Variants in NFATC2 observed in about 807,000 individuals in gnomAD.
The protein encoded by NFATC2 is nuclear factor of activated T cells 2.
A neutral mutation model predicts 87.3 loss-of-function variants in NFATC2; 22 were observed. That is an observed-to-expected ratio of 0.25 (90% CI 0.18 to 0.36). NFATC2 has a LOEUF of 0.36. NFATC2 is among the 10% of genes least tolerant of loss of function. NFATC2 has a pLI of 1.00. For synonymous variants in NFATC2, 565 were observed against 542.2 expected (o/e 1.04, Z -0.58); for missense variants, 1,149 against 1,259.1 (o/e 0.91, Z 1.32).
chr20:51,413,479 C>G (rs756696823), intron 9 of NFATC2, among the ~76,000 whole-genome samples: 1 of 152,220 alleles, frequency 6.6e-6, no homozygotes. Context: ...CCTAAAGAGG[C>G]GGGGTGTGGC....
intron 1 of NFATC2, among the ~76,000 whole-genome samples, chr20:51,549,185 GA>G (rs201202074): frequency 8.0e-5 from 12 of 150,354 alleles, no homozygotes; most frequent in Non-Finnish European, 1.6e-4. Flanking sequence ...AGGAGTGAGA[GA>G]AAAAAAAAGA....
chr20:51,515,490 T>G (rs2076337293), intron 3 of NFATC2, among the ~76,000 whole-genome samples: 1 of 152,224 alleles, frequency 6.6e-6, no homozygotes, highest in Non-Finnish European at 1.5e-5. Flanking sequence ...ATACACCTTG[T>G]GCTTTCCACA....
intron 1 of NFATC2, among the ~76,000 whole-genome samples, chr20:51,527,345 G>A (rs2076561321): frequency 6.6e-6 from 1 of 152,118 alleles, no homozygotes; most frequent in African/African-American, 2.4e-5. Flanking sequence ...CATGAGCTGG[G>A]CTTAAGTACT....
At chr20:51,457,175 T>G (rs1986633417) in intron 5 of NFATC2, among the ~76,000 whole-genome samples, 1 of 152,222 alleles carries the variant, frequency 6.6e-6, no homozygotes, top group African/African-American at 2.4e-5. Flanking sequence ...CTGCCACAAA[T>G]GAGATTTATT....
intron 9 of NFATC2, among the ~76,000 whole-genome samples, chr20:51,431,808 G>A (rs549837011): frequency 6.6e-5 from 10 of 152,166 alleles, no homozygotes; most frequent in Admixed American, 2.6e-4. Context: ...GCCCTCATTT[G>A]CTTTTTCTAT....
At chr20:51,531,693 T>G (rs996565962) in intron 1 of NFATC2, among the ~76,000 whole-genome samples, 3 of 152,182 alleles carry the variant, frequency 2.0e-5, no homozygotes, top group Admixed American at 6.5e-5. Context: ...GCCTGTCGGT[T>G]TCCCTAACCT....
chr20:51,449,454 C>T (rs1985503295), intron 6 of NFATC2, among the ~76,000 whole-genome samples: 1 of 152,154 alleles, frequency 6.6e-6, no homozygotes, highest in African/African-American at 2.4e-5. Context: ...ACTACATTCA[C>T]CTGGGATTCT....
chr20:51,448,783 G>A (rs2146404210), intron 6 of NFATC2, among the ~76,000 whole-genome samples: 1 of 152,360 alleles, frequency 6.6e-6, no homozygotes, highest in East Asian at 1.9e-4. Context: ...ATGGCCAAGT[G>A]GCAGGGAGAG....
At chr20:51,455,916 G>A (rs1473682268) in intron 5 of NFATC2, among the ~76,000 whole-genome samples, 1 of 20,500 alleles carries the variant, frequency 4.9e-5, no homozygotes, top group African/African-American at 1.8e-4. Flanking sequence ...GGGTGGGTGG[G>A]TGGGTGGATG....
intron 8 of NFATC2, among the ~76,000 whole-genome samples, chr20:51,434,806 G>T (rs1457924387): frequency 6.6e-6 from 1 of 152,130 alleles, no homozygotes; most frequent in Non-Finnish European, 1.5e-5. Context: ...GTCACATAAA[G>T]ATTCTGCAGG....
At chr20:51,435,993 TTAA>T (rs1327400311) in intron 6 of NFATC2, among the ~76,000 whole-genome samples, 4 of 152,046 alleles carry the variant, frequency 2.6e-5, no homozygotes, top group South Asian at 2.1e-4. Context: ...CCTAAGCAAA[TTAA>T]GGCAGGAACA....
chr20:51,477,911 C>T (rs1464092864), intron 3 of NFATC2, among the ~76,000 whole-genome samples: 1 of 152,156 alleles, frequency 6.6e-6, no homozygotes, highest in Non-Finnish European at 1.5e-5. Context: ...TTCAGTTTTT[C>T]AGGTACACTA....
chr20:51,508,507 C>G (rs951578012), intron 3 of NFATC2, among the ~76,000 whole-genome samples: 22 of 152,218 alleles, frequency 1.4e-4, no homozygotes, highest in African/African-American at 5.3e-4. Context: ...CATCAAAAGA[C>G]TGGTATAGAC....
intron 9 of NFATC2, among the ~76,000 whole-genome samples, chr20:51,401,640 CAG>C (rs1297073548): frequency 6.6e-6 from 1 of 152,158 alleles, no homozygotes; most frequent in Non-Finnish European, 1.5e-5. Context: ...CCCAAAGACA[CAG>C]GGGTACCTCA....
chr20:51,520,257 T>G (rs894801263), intron 2 of NFATC2, among the ~76,000 whole-genome samples: 1 of 152,172 alleles, frequency 6.6e-6, no homozygotes, highest in Non-Finnish European at 1.5e-5. Context: ...AACCACTAAA[T>G]AAAATCATGG....
chr20:51,435,050 A>G, intron 8 of NFATC2, 138 bp downstream of exon 8: 1 of 1,068,122 alleles, frequency 9.4e-7, no homozygotes, highest in Admixed American at 2.4e-5. Flanking sequence ...ATGCTGTCTC[A>G]CAGATGATGC....
At chr20:51,444,405 G>T (rs943962855) in intron 6 of NFATC2, among the ~76,000 whole-genome samples, 1 of 151,802 alleles carries the variant, frequency 6.6e-6, no homozygotes, top group Non-Finnish European at 1.5e-5. Context: ...CTATACTTTC[G>T]TTGGTTTCCT....
chr20:51,449,350 C>T (rs1172492641), intron 6 of NFATC2, among the ~76,000 whole-genome samples: 1 of 152,176 alleles, frequency 6.6e-6, no homozygotes, highest in Admixed American at 6.5e-5. Context: ...GGCGAGCCCC[C>T]TCTCTGCAGA....
intron 3 of NFATC2, among the ~76,000 whole-genome samples, chr20:51,477,081 T>C (rs963017375): frequency 6.6e-6 from 1 of 152,108 alleles, no homozygotes; most frequent in East Asian, 1.9e-4. Flanking sequence ...AGGAGACACG[T>C]ACAAAAATGT....
Sources: gnomAD v4.1 joint callset for allele counts (sites outside exome capture counted in the v4.1 genomes callset) on GRCh38, gnomAD v4.1.1 for gene constraint, MANE v1.5 for transcripts, NCBI Gene and HGNC (gene_info 2026-07-23, HGNC 2026-07-21) for gene names.